The following HGF variants were observed in gnomAD, a reference collection of about 807,000 sequenced individuals.
HGF encodes hepatocyte growth factor, also known as fibroblast-derived tumor cytotoxic factor.
HGF carries 39 observed loss-of-function variants against 111.6 expected under a neutral mutation model. That is an observed-to-expected ratio of 0.35 (90% CI 0.27 to 0.46). The LOEUF is 0.46. HGF is among the 20% of genes least tolerant of loss of function. The pLI, the probability that HGF is intolerant of heterozygous loss-of-function variation, is 1.00. For synonymous variants in HGF, 285 were observed against 294.8 expected (o/e 0.97, Z 0.34); for missense variants, 735 against 910.5 (o/e 0.81, Z 2.48).
At chr7:81,767,295 G>GA (rs79951464) in intron 1 of HGF, among the ~76,000 whole-genome samples, 1,458 of 126,310 alleles carry the variant, frequency 0.012, 5 homozygotes, top group Middle Eastern at 0.04. Context: ...AATGAAAAAA[G>GA]AAAAAAAAAA....
At chr7:81,706,555 A>G (rs927881141) in intron 14 of HGF, 128 bp from the exon 15 acceptor site, 6 of 714,558 alleles carry the variant, frequency 8.4e-6, no homozygotes, top group Non-Finnish European at 1.4e-5. Context: ...TTCATAGTAT[A>G]ATAAAGAACA....
chr7:81,758,870 T>G, intron 2 of HGF, 66 bp from the exon 3 acceptor site: 1 of 1,039,624 alleles, frequency 9.6e-7, no homozygotes, highest in Non-Finnish European at 1.5e-6. Flanking sequence ...AGAATGGGCA[T>G]ATGGTTCATC....
intron 4 of HGF, among the ~76,000 whole-genome samples, chr7:81,754,726 GT>G (rs199817195): frequency 8.0e-5 from 12 of 150,716 alleles, no homozygotes; most frequent in East Asian, 3.9e-4. Context: ...TAAATTAACT[GT>G]TTTTTTTTGT....
chr7:81,738,099 G>A (rs1787894506), intron 7 of HGF, among the ~76,000 whole-genome samples: 1 of 152,244 alleles, frequency 6.6e-6, no homozygotes, highest in African/African-American at 2.4e-5. Context: ...GGAGAAGGGA[G>A]AGGATCAGGA....
chr7:81,712,008 A>G (rs1335549180), intron 11 of HGF, among the ~76,000 whole-genome samples: 1 of 152,182 alleles, frequency 6.6e-6, no homozygotes, highest in African/African-American at 2.4e-5. Flanking sequence ...GTAATTATAC[A>G]TCACGTTTAC....
At chr7:81,768,546 A>AT (rs1257034636) in intron 1 of HGF, among the ~76,000 whole-genome samples, 3 of 151,890 alleles carry the variant, frequency 2.0e-5, no homozygotes, top group Non-Finnish European at 4.4e-5. Context: ...CGCCTGGCTA[A>AT]TTTTTTGTAT....
chr7:81,765,645 T>C lies in HGF; in HGVS notation c.89-2773A>G, dbSNP rs1042216325. On this transcript the variant is annotated intron_variant, in intron 1 of 17. Coordinates refer to ENST00000222390, the MANE Select transcript of HGF (RefSeq NM_000601.6). ...CTCAAAAATATGAAGTTGGAGCTAA[T>C]TGTACATCATGTAATCCACACATCT... 5.9e-5 allele frequency among the ~76,000 whole-genome samples: 9 copies of C among 152,264 alleles called. No individual in the cohort carries two copies. The East Asian group carries it at 1.4e-3, about 23-fold the overall frequency.
intron 2 of HGF, 70 bp downstream of exon 2, chr7:81,762,637 A>AC: frequency 8.8e-7 from 1 of 1,134,460 alleles, no homozygotes; most frequent in South Asian, 1.2e-5. Flanking sequence ...ACAACACAAA[A>AC]GACACATGAT....
chr7:81,716,713 A>G (rs2115844504), intron 11 of HGF, among the ~76,000 whole-genome samples: 1 of 152,244 alleles, frequency 6.6e-6, no homozygotes, highest in Middle Eastern at 3.4e-3. Flanking sequence ...ATACACTAAT[A>G]TCTTTTTAAC....
At chr7:81,722,869 TTGC>T (rs1334779532) in intron 9 of HGF, among the ~76,000 whole-genome samples, 1 of 140,680 alleles carries the variant, frequency 7.1e-6, no homozygotes, top group African/African-American at 3.1e-5. Flanking sequence ...ATATGTTGCA[TTGC>T]AAATTTAAAA....
chr7:81,748,777 A>G (rs1258967521), intron 5 of HGF, among the ~76,000 whole-genome samples: 2 of 152,342 alleles, frequency 1.3e-5, no homozygotes, highest in East Asian at 3.9e-4. Flanking sequence ...TTCTAAGTAC[A>G]GTTCTGGACT....
chr7:81,751,226 A>C lies in HGF; in HGVS notation c.625+894T>G, dbSNP rs531037636. ...TATAAAACTTGGACAGCATTCCAGT[A>C]GTCCCCCTCCCCAAATACTCCAAAA... On this transcript the variant is annotated intron_variant, in intron 5 of 17. Coordinates refer to ENST00000222390, the MANE Select transcript of HGF (RefSeq NM_000601.6). 41 of 958,034 alleles carry C rather than the reference A, an allele frequency of 4.3e-5. No homozygotes were observed. The South Asian group carries it at 1.8e-3, about 43-fold the overall frequency. 59.3% of individuals were successfully genotyped at this position (958,034 alleles called of 1,614,324 possible).
chr7:81,745,074 A>G lies in HGF; in HGVS notation c.672T>C (p.Asp224=), dbSNP rs1208064263. The change falls in exon 6 of 18, where the codon GAT becomes GAC. Residue 224 remains aspartate (D), a synonymous_variant. Transcript: ENST00000222390. Reference sequence around the variant, plus strand: ...GACAAATCTTGCCTGATTCTGTATGATCCATGAGACCTCGATAACTCTCCC... The same window carrying G: ...GACAAATCTTGCCTGATTCTGTATGGTCCATGAGACCTCGATAACTCTCCC... ...CNGESYRGLM[D]HTESGKICQR... The G allele has an allele frequency of 6.2e-7, 1 of 1,613,900 alleles. No individual in the cohort carries two copies. Among genetic ancestry groups the G allele is most frequent in the Admixed American group, 1.7e-5 (1 of 60,022 alleles).
chr7:81,760,704 TG>T (rs1789027385), intron 2 of HGF, among the ~76,000 whole-genome samples: 2 of 151,324 alleles, frequency 1.3e-5, no homozygotes, highest in Non-Finnish European at 2.9e-5. Flanking sequence ...TGTGTGTGTG[TG>T]TGTGTGTGTG....
intron 5 of HGF, among the ~76,000 whole-genome samples, chr7:81,745,694 C>A (rs746913538): frequency 2.0e-5 from 3 of 152,150 alleles, no homozygotes; most frequent in Non-Finnish European, 4.4e-5. Flanking sequence ...TTTCTGTTAG[C>A]GAACATCCAT....
chr7:81,718,723 G>A (rs1178220625), intron 10 of HGF, among the ~76,000 whole-genome samples: 1 of 152,126 alleles, frequency 6.6e-6, no homozygotes, highest in Non-Finnish European at 1.5e-5. Flanking sequence ...ATGAAGATGA[G>A]GAATCCTCGT....
chr7:81,701,948 TAC>T lies in HGF; in HGVS notation c.*631_*632del, dbSNP rs1429649713. On this transcript the variant is annotated 3_prime_UTR_variant, in exon 18 of 18. Transcript: ENST00000222390. The stretch of plus-strand genomic sequence containing the variant: ...GGTTTTTTTGAGGTAAAACTATAGG[TAC>T]ATACTTCTAAAATATTTAGGGGTTA... 1 of 164,416 alleles carries T rather than the reference TAC, an allele frequency of 6.1e-6. No individual in the cohort carries two copies. Among genetic ancestry groups the T allele is most frequent in the African/African-American group, 2.4e-5 (1 of 41,870 alleles). 10.2% of individuals were successfully genotyped at this position (164,416 alleles called of 1,614,324 possible).
intron 4 of HGF, among the ~76,000 whole-genome samples, chr7:81,754,205 G>T (rs1463573281): frequency 1.3e-5 from 2 of 151,768 alleles, no homozygotes; most frequent in African/African-American, 4.8e-5. Flanking sequence ...TACTCCCTGG[G>T]TTTTAATCTC....
chr7:81,750,949 G>C lies in HGF; in HGVS notation c.625+1171C>G, dbSNP rs568709244. On this transcript the variant is annotated intron_variant, in intron 5 of 17. Transcript: ENST00000222390. ...TTAAAAGAAAAGAAAACAATGAAGA[G>C]GTTATAGGGAACAGAATATGATATG... 1.5e-4 allele frequency: 136 copies of C among 924,940 alleles called. No homozygotes were observed. In the South Asian group the frequency reaches 1.6e-3, roughly 11 times the overall value. 57.3% of individuals were successfully genotyped at this position (924,940 alleles called of 1,614,324 possible). A position where few individuals can be genotyped will look rare whatever the true frequency, so the allele number is the denominator to read the frequency against.
Sources: gnomAD v4.1 joint callset for allele counts (sites outside exome capture counted in the v4.1 genomes callset) on GRCh38, gnomAD v4.1.1 for gene constraint, MANE v1.5 for transcripts, NCBI Gene and HGNC (gene_info 2026-07-23, HGNC 2026-07-21) for gene names.